Variants in ARHGEF4 observed in about 807,000 individuals in gnomAD.
ARHGEF4 encodes the protein Rho guanine nucleotide exchange factor 4.
A neutral mutation model predicts 162.0 loss-of-function variants in ARHGEF4; 119 were observed. The ratio of observed to expected loss-of-function variants is 0.73; its 90% CI spans 0.63 to 0.86. The LOEUF (loss-of-function observed/expected upper bound fraction) is 0.86. Among genes scored for constraint, ARHGEF4 ranks in the 40% least tolerant of loss-of-function variants. ARHGEF4 has a pLI of 0.00. For synonymous variants in ARHGEF4, 1,014 were observed against 979.9 expected, an observed-to-expected ratio of 1.03 and a Z score of -0.65; for missense variants, 2,488 against 2,456.0, an observed-to-expected ratio of 1.01 and a Z score of -0.28.
chr2:130,940,896 G>A (rs183723927), intron 3 of ARHGEF4, among the ~76,000 whole-genome samples: 2 of 151,620 alleles, frequency 1.3e-5, no homozygotes, highest in East Asian at 3.9e-4. Context: ...TAGTGAGCAG[G>A]TGCCTGGTGG....
intron 2 of ARHGEF4, among the ~76,000 whole-genome samples, chr2:130,925,326 A>T (rs60796692): frequency 6.6e-6 from 1 of 151,914 alleles, no homozygotes; most frequent in African/African-American, 2.4e-5. Flanking sequence ...ACACAGAAAT[A>T]GACCCACACA....
intron 4 of ARHGEF4, among the ~76,000 whole-genome samples, chr2:130,950,294 C>T (rs1471776890): frequency 6.6e-6 from 1 of 152,114 alleles, no homozygotes; most frequent in Non-Finnish European, 1.5e-5. Context: ...CCTGGCAAAT[C>T]GGTGTCCAAG....
chr2:130,937,704 G>A (rs1574263781), intron 3 of ARHGEF4, among the ~76,000 whole-genome samples: 1 of 140,226 alleles, frequency 7.1e-6, no homozygotes, highest in Non-Finnish European at 1.5e-5. Context: ...ATGTCGCTCT[G>A]TCACCCAGAC....
chr2:131,034,033 AG>A (rs1408058187), intron 5 of ARHGEF4, among the ~76,000 whole-genome samples: 5 of 152,294 alleles, frequency 3.3e-5, no homozygotes, highest in African/African-American at 1.2e-4. Context: ...TACAGTCAAC[AG>A]GATGGTGACA....
chr2:131,011,268 C>T (rs1688432293), intron 4 of ARHGEF4, among the ~76,000 whole-genome samples: 1 of 152,206 alleles, frequency 6.6e-6, no homozygotes, highest in Admixed American at 6.5e-5. Context: ...TCATTTATCC[C>T]AACCTTAGCC....
intron 1 of ARHGEF4, among the ~76,000 whole-genome samples, chr2:130,907,250 G>C (rs55969563): frequency 2.3e-3 from 5 of 2,158 alleles, no homozygotes; most frequent in South Asian, 0.12. Context: ...TCTCGCTCTG[G>C]AGACTGGAGG....
intron 2 of ARHGEF4, among the ~76,000 whole-genome samples, chr2:130,930,401 A>G (rs1186991744): frequency 6.6e-6 from 1 of 152,160 alleles, no homozygotes; most frequent in Non-Finnish European, 1.5e-5. Flanking sequence ...CACAGGCCTA[A>G]CTATTCTGCT....
chr2:131,040,223 G>C, intron 7 of ARHGEF4, 31 bp downstream of exon 7: 1 of 1,609,300 alleles, frequency 6.2e-7, no homozygotes, highest in South Asian at 1.1e-5. Flanking sequence ...GGTGACTGGG[G>C]ACCCGGTCGG....
intron 4 of ARHGEF4, among the ~76,000 whole-genome samples, chr2:130,969,067 T>A (rs914656398): frequency 6.6e-6 from 1 of 152,192 alleles, no homozygotes; most frequent in African/African-American, 2.4e-5. Flanking sequence ...GAAAATGCAT[T>A]TAGTACGCCT....
chr2:130,877,235 G>A (rs1485124835), intron 1 of ARHGEF4, among the ~76,000 whole-genome samples: 1 of 152,160 alleles, frequency 6.6e-6, no homozygotes, highest in Non-Finnish European at 1.5e-5. Flanking sequence ...GGCAGAAAGT[G>A]GAGAGGGGAT....
chr2:130,983,380 T>C (rs1686252954), intron 4 of ARHGEF4, among the ~76,000 whole-genome samples: 1 of 152,208 alleles, frequency 6.6e-6, no homozygotes, highest in African/African-American at 2.4e-5. Flanking sequence ...ATCAAAAAAT[T>C]TGCATGAAGA....
intron 4 of ARHGEF4, among the ~76,000 whole-genome samples, chr2:131,021,327 A>G (rs1300981700): frequency 2.0e-5 from 3 of 152,176 alleles, no homozygotes; most frequent in Non-Finnish European, 4.4e-5. Context: ...ATAATGCCCC[A>G]TATCTACAAC....
intron 4 of ARHGEF4, among the ~76,000 whole-genome samples, chr2:130,992,959 C>G (rs889424096): frequency 6.6e-6 from 1 of 152,162 alleles, no homozygotes; most frequent in Non-Finnish European, 1.5e-5. Context: ...TTGTGCACAT[C>G]TGTAATCCCA....
chr2:130,842,265 AG>A (rs1680662673), intron 1 of ARHGEF4, among the ~76,000 whole-genome samples: 1 of 151,812 alleles, frequency 6.6e-6, no homozygotes, highest in South Asian at 2.1e-4. Context: ...CCCACTCCTA[AG>A]GTGAGGGTTC....
chr2:130,939,500 G>A (rs1365664045), intron 3 of ARHGEF4, among the ~76,000 whole-genome samples: 4 of 152,052 alleles, frequency 2.6e-5, no homozygotes, highest in Non-Finnish European at 5.9e-5. Flanking sequence ...GCTATGTACT[G>A]AGCCTTCATG....
intron 4 of ARHGEF4, among the ~76,000 whole-genome samples, chr2:130,990,500 A>G (rs1465848542): frequency 6.6e-6 from 1 of 152,104 alleles, no homozygotes; most frequent in Non-Finnish European, 1.5e-5. Flanking sequence ...CCAGTTCTGC[A>G]GGATGGTGAG....
chr2:130,985,691 A>T (rs994323456), intron 4 of ARHGEF4, among the ~76,000 whole-genome samples: 19 of 152,216 alleles, frequency 1.2e-4, no homozygotes, highest in African/African-American at 4.3e-4. Context: ...TTCTATGTTT[A>T]TGCAAAAACA....
intron 3 of ARHGEF4, among the ~76,000 whole-genome samples, chr2:130,939,912 T>C (rs1385459316): frequency 6.6e-6 from 1 of 152,216 alleles, no homozygotes; most frequent in African/African-American, 2.4e-5. Context: ...GAAATGCGAT[T>C]GATTTTTATG....
In ARHGEF4 at chr2:131,043,596, C is replaced by T. The variant is rs1053178309; in HGVS notation, c.5157+13C>T. 7 of 1,613,618 alleles carry T rather than the reference C, an allele frequency of 4.3e-6. No individual in the cohort carries two copies. In the Admixed American group the frequency reaches 5.0e-5, roughly 12 times the overall value. ...CTACTGTAAGAAGGTACCAGAGCTG[C>T]TCTGCCCTGCTGCCCCAAGTTGAGC... On this transcript the variant is annotated intron_variant, in intron 11 of 13. Coordinates refer to ENST00000409359, the MANE Select transcript of ARHGEF4 (RefSeq NM_001367493.1).
Sources: gnomAD v4.1 joint callset for allele counts (sites outside exome capture counted in the v4.1 genomes callset) on GRCh38, gnomAD v4.1.1 for gene constraint, MANE v1.5 for transcripts, NCBI Gene and HGNC (gene_info 2026-07-23, HGNC 2026-07-21) for gene names.